Variants in GPHN observed in about 807,000 individuals in gnomAD.
GPHN encodes the protein gephyrin.
Under a neutral mutation model 95.5 loss-of-function variants are expected in GPHN, and 17 were observed. That is an observed-to-expected ratio of 0.18 (90% CI 0.12 to 0.27). The LOEUF is 0.27. GPHN is among the 10% of genes least tolerant of loss of function. The pLI, the probability that GPHN is intolerant of heterozygous loss-of-function variation, is 1.00. For missense variants in GPHN, 660 were observed against 978.1 expected, an observed-to-expected ratio of 0.67 and a Z score of 4.34; for synonymous variants, 320 against 322.5, an observed-to-expected ratio of 0.99 and a Z score of 0.08.
the GPHN span, among the ~76,000 whole-genome samples, chr14:67,366,243 G>A: frequency 6.6e-6 from 1 of 152,070 alleles, no homozygotes; most frequent in African/African-American, 2.4e-5. Context: ...ACCCTGCCCA[G>A]CTAACTTTCT....
At chr14:67,238,443 A>T in the GPHN span, among the ~76,000 whole-genome samples, 2 of 151,060 alleles carry the variant, frequency 1.3e-5, no homozygotes, top group African/African-American at 2.4e-5. Context: ...TAATTGTTAA[A>T]TTTTTTTGTA....
the GPHN span, chr14:67,592,677 T>C: frequency 3.7e-6 from 6 of 1,609,470 alleles, no homozygotes; most frequent in Non-Finnish European, 5.1e-6. Context: ...GTGGTTCCAC[T>C]GGATCTTTCA....
chr14:67,415,854 A>G, the GPHN span, among the ~76,000 whole-genome samples: 1 of 152,246 alleles, frequency 6.6e-6, no homozygotes, highest in Non-Finnish European at 1.5e-5. Flanking sequence ...GGAAGCCATT[A>G]TCCTCAGCAA....
At chr14:67,326,755 T>G in the GPHN span, among the ~76,000 whole-genome samples, 2 of 152,244 alleles carry the variant, frequency 1.3e-5, no homozygotes, top group Non-Finnish European at 2.9e-5. Context: ...TGGCTTTTGA[T>G]CAACATGTTT....
chr14:67,695,056 C>A, the GPHN span, among the ~76,000 whole-genome samples: 1 of 152,202 alleles, frequency 6.6e-6, no homozygotes, highest in Non-Finnish European at 1.5e-5. Context: ...ACTCAGATCC[C>A]CCGTGCTCCT....
At chr14:66,721,469 A>G (rs1422988831) in intron 2 of GPHN, among the ~76,000 whole-genome samples, 1 of 152,160 alleles carries the variant, frequency 6.6e-6, no homozygotes, top group Non-Finnish European at 1.5e-5. Context: ...ACATATATCT[A>G]TATACATATA....
At chr14:67,518,530 C>T in the GPHN span, among the ~76,000 whole-genome samples, 1 of 152,234 alleles carries the variant, frequency 6.6e-6, no homozygotes, top group Admixed American at 6.5e-5. Context: ...TGGTAGTTCT[C>T]TTCACATCTC....
At position 67,070,709 on chromosome 14, in the gene GPHN, A is replaced by AT. The variant is rs1555482629; in HGVS notation, c.1144+11923_1144+11924insT. Among the ~76,000 whole-genome samples, 3 of 91,460 alleles carry AT rather than the reference A, an allele frequency of 3.3e-5. No homozygotes were observed. The South Asian group carries it at 1.2e-3, about 35-fold the overall frequency. 60.0% of individuals were successfully genotyped at this position (91,460 alleles called of 152,430 possible). On this transcript the variant is annotated intron_variant, in intron 11 of 22. Coordinates refer to ENST00000478722, the MANE Select transcript of GPHN (RefSeq NM_020806.5). ...GACTTCATCTCAAAAAAAAAAAAAA[A>AT]AAAAAAATATATATATATATCCAAT...
chr14:67,195,508 C>T, the GPHN span, among the ~76,000 whole-genome samples: 32 of 152,172 alleles, frequency 2.1e-4, no homozygotes, highest in African/African-American at 7.5e-4. Flanking sequence ...GTAGACACAC[C>T]CTCCAGTATG....
At chr14:66,651,050 G>A (rs1848971144) in intron 1 of GPHN, among the ~76,000 whole-genome samples, 1 of 152,126 alleles carries the variant, frequency 6.6e-6, no homozygotes, top group Non-Finnish European at 1.5e-5. Context: ...TGGACACAGA[G>A]CACACACATC....
the GPHN span, among the ~76,000 whole-genome samples, chr14:67,711,741 C>A: frequency 6.6e-6 from 1 of 152,074 alleles, no homozygotes; most frequent in Admixed American, 6.6e-5. Context: ...CTTAAATTTT[C>A]ATATTAAAGG....
chr14:66,882,710 A>G (rs1817420924), intron 5 of GPHN, among the ~76,000 whole-genome samples: 1 of 151,716 alleles, frequency 6.6e-6, no homozygotes, highest in Non-Finnish European at 1.5e-5. Context: ...TTGTTTCGTT[A>G]GAGTTTTTGT....
At chr14:67,475,768 C>T in the GPHN span, among the ~76,000 whole-genome samples, 1 of 152,294 alleles carries the variant, frequency 6.6e-6, no homozygotes, top group South Asian at 2.1e-4. Context: ...TCTTCAACGC[C>T]CGGCTCCCAT....
chr14:66,813,526 A>G (rs1030507191), intron 3 of GPHN, among the ~76,000 whole-genome samples: 4 of 152,334 alleles, frequency 2.6e-5, no homozygotes, highest in East Asian at 3.9e-4. Flanking sequence ...CGCTCTCACC[A>G]TGGGCCTCTG....
chr14:67,535,758 A>C, the GPHN span, among the ~76,000 whole-genome samples: 2 of 152,294 alleles, frequency 1.3e-5, no homozygotes, highest in South Asian at 4.1e-4. Context: ...GATTACAACA[A>C]TAACAGTCAT....
At chr14:67,311,462 G>A in the GPHN span, among the ~76,000 whole-genome samples, 2 of 152,110 alleles carry the variant, frequency 1.3e-5, no homozygotes, top group Non-Finnish European at 1.5e-5. Context: ...AAATATGTGG[G>A]CAGAAATGCT....
At chr14:67,162,770 A>G (rs1595445112) in intron 19 of GPHN, among the ~76,000 whole-genome samples, 1 of 152,324 alleles carries the variant, frequency 6.6e-6, no homozygotes, top group Non-Finnish European at 1.5e-5. Flanking sequence ...TAGATGTCCA[A>G]AGATCATGTA....
intron 11 of GPHN, among the ~76,000 whole-genome samples, chr14:67,081,657 T>G (rs1484882747): frequency 6.6e-6 from 1 of 152,216 alleles, no homozygotes; most frequent in Admixed American, 6.5e-5. Flanking sequence ...GGATTCTTGG[T>G]CATGAAGTCT....
the GPHN span, among the ~76,000 whole-genome samples, chr14:67,240,928 G>T: frequency 0.082 from 12,473 of 152,302 alleles, 1,229 homozygotes; most frequent in African/African-American, 0.24. Flanking sequence ...GTTAGATTGG[G>T]TGACTAACTT....
Sources: allele counts gnomAD v4.1 joint callset (sites outside exome capture counted in the v4.1 genomes callset), GRCh38; gene constraint gnomAD v4.1.1; transcripts MANE v1.5; gene names NCBI Gene and HGNC (gene_info 2026-07-23, HGNC 2026-07-21).